The following FANCM variants were observed in gnomAD, a reference collection of about 807,000 sequenced individuals.
The protein encoded by FANCM is FA complementation group M.
FANCM carries 140 observed loss-of-function variants against 199.5 expected under a neutral mutation model. The observed-to-expected ratio is 0.70, with a 90% CI of 0.61 to 0.81. FANCM has a LOEUF of 0.81. FANCM is among the 30% of genes least tolerant of loss of function. FANCM has a pLI of 0.00. For synonymous variants in FANCM, 840 were observed against 836.8 expected (o/e 1.00, Z -0.07); for missense variants, 2,410 against 2,421.4 (o/e 1.00, Z 0.10).
At chr14:45,180,601 C>G (rs1405522652) in intron 14 of FANCM, among the ~76,000 whole-genome samples, 1 of 152,064 alleles carries the variant, frequency 6.6e-6, no homozygotes, top group African/African-American at 2.4e-5. Flanking sequence ...CCACACCCAG[C>G]TAATTATTGT....
intron 3 of FANCM, among the ~76,000 whole-genome samples, chr14:45,145,984 G>C (rs983606625): frequency 1.5e-4 from 22 of 147,556 alleles, no homozygotes; most frequent in African/African-American, 4.3e-4. Context: ...GCGTGAACCC[G>C]GGAGGCGGAG....
chr14:45,151,300 T>G (rs1240960010), intron 4 of FANCM, 97 bp from the exon 5 acceptor site: 1 of 998,262 alleles, frequency 1.0e-6, no homozygotes, highest in Non-Finnish European at 1.5e-6. Context: ...ACAAACTTTA[T>G]TAAATATATA....
chr14:45,161,769 C>T (rs1033795129), intron 9 of FANCM, among the ~76,000 whole-genome samples: 8 of 151,698 alleles, frequency 5.3e-5, no homozygotes, highest in African/African-American at 1.7e-4. Context: ...ACAGTGAGAC[C>T]CTGTCTCAAA....
chr14:45,183,992 C>A (rs970082374), intron 17 of FANCM, 90 bp downstream of exon 17: 11 of 915,842 alleles, frequency 1.2e-5, no homozygotes, highest in Non-Finnish European at 1.5e-5. Flanking sequence ...TCTATACATT[C>A]TCTTTATAGA....
At chr14:45,174,393 A>AC (rs1159283821) in intron 13 of FANCM, among the ~76,000 whole-genome samples, 1 of 152,034 alleles carries the variant, frequency 6.6e-6, no homozygotes, top group African/African-American at 2.4e-5. Context: ...TCTAAAAAAA[A>AC]AAAAAACAAA....
intron 3 of FANCM, among the ~76,000 whole-genome samples, chr14:45,141,845 TC>T (rs1418310550): frequency 6.6e-6 from 1 of 152,004 alleles, no homozygotes; most frequent in Admixed American, 6.6e-5. Context: ...GGCCTCAGCC[TC>T]CCAAAGTGCT....
rs778201887 is a variant in FANCM, at chr14:45,196,339, C to T, written c.5508C>T (p.Ser1836=). 1.9e-6 allele frequency: 3 copies of T among 1,613,946 alleles called. No individual in the cohort carries two copies. Among genetic ancestry groups the T allele is most frequent in the Non-Finnish European group, 2.5e-6 (3 of 1,179,962 alleles). ...CTTCTGGATTAGAAGTAATTTCTTCCCTAAGAGCAATTCATGGGTTGCAAG... is the reference window on the plus strand; with the variant it reads ...CTTCTGGATTAGAAGTAATTTCTTCTCTAAGAGCAATTCATGGGTTGCAAG... The part of the protein sequence containing the change: ...EITSGLEVIS[S]LRAIHGLQVE... The change falls in exon 21 of 23, where the codon TCC becomes TCT. Residue 1836 remains serine, a synonymous_variant. Transcript: ENST00000267430.
intron 3 of FANCM, among the ~76,000 whole-genome samples, chr14:45,147,600 CT>C (rs1344147385): frequency 6.6e-6 from 1 of 152,080 alleles, no homozygotes; most frequent in Non-Finnish European, 1.5e-5. Flanking sequence ...ACCCACAAGG[CT>C]TTCTATTTTT....
At position 45,137,155 on chromosome 14, in the gene FANCM, T is replaced by C. The variant is rs1192164106; in HGVS notation, c.595T>C (p.Ser199Pro). 3.7e-6 allele frequency: 6 copies of C among 1,613,468 alleles called. No homozygotes were observed. Among genetic ancestry groups the C allele is most frequent in the Non-Finnish European group, 5.1e-6 (6 of 1,179,600 alleles). Residue 199 changes from serine to proline, a missense_variant, in exon 2 of 23, where the codon TCT becomes CCT. Transcript: ENST00000267430. ...ACCTCAGGTCATGGTAAATGACCTTTCTAGAGGAGCTTGTCCCGCTGCTGA... is the reference window on the plus strand; with the variant it reads ...ACCTCAGGTCATGGTAAATGACCTTCCTAGAGGAGCTTGTCCCGCTGCTGA... ...LTPQVMVNDL[S>P]RGACPAAEIK... is the part of the protein sequence containing the mutation.
chr14:45,191,544 T>C (rs766504230), intron 20 of FANCM, among the ~76,000 whole-genome samples: 5 of 152,172 alleles, frequency 3.3e-5, no homozygotes, highest in Admixed American at 3.3e-4. Context: ...CACTAACACT[T>C]TAAGCAATAT....
intron 16 of FANCM, 149 bp downstream of exon 16, chr14:45,181,854 TGTTA>T: frequency 1.6e-6 from 1 of 634,682 alleles, no homozygotes; most frequent in Middle Eastern, 4.2e-4. Context: ...TTCTAGCTTC[TGTTA>T]GTTTTCAAAG....
chr14:45,137,286 T>TA (rs770968148), intron 2 of FANCM, 45 bp downstream of exon 2: 1 of 1,551,454 alleles, frequency 6.4e-7, no homozygotes, highest in South Asian at 1.1e-5. Context: ...ACTGTACTGT[T>TA]AAAGAGAATT....
At chr14:45,141,092 T>G (rs997581883) in intron 3 of FANCM, among the ~76,000 whole-genome samples, 2 of 151,886 alleles carry the variant, frequency 1.3e-5, no homozygotes, top group African/African-American at 4.8e-5. Flanking sequence ...ATCCAGACCA[T>G]CCTGGTTAAC....
Position 45,159,315 on chromosome 14 carries a change from A to G in FANCM, c.1581+35A>G, listed in dbSNP as rs570011470. ...TTTGGAATTGATAAAAATAAAAATA[A>G]GATTGATTAGCTTTGCACTTGTTCT... On this transcript the variant is annotated intron_variant, in intron 9 of 22. Coordinates refer to ENST00000267430, the MANE Select transcript of FANCM (RefSeq NM_020937.4). 24 of 1,488,586 alleles carry G rather than the reference A, an allele frequency of 1.6e-5. No individual in the cohort carries two copies. In the South Asian group the frequency reaches 2.2e-4, roughly 14 times the overall value. 92.2% of individuals were successfully genotyped at this position (1,488,586 alleles called of 1,614,324 possible).
intron 2 of FANCM, chr14:45,137,971 G>GA (rs1451413245): frequency 6.6e-6 from 1 of 152,210 alleles, no homozygotes; most frequent in African/African-American, 2.4e-5. Context: ...ATGAGGGGTA[G>GA]AAGGGATGTA....
At chr14:45,157,764 C>A (rs141594861) in intron 8 of FANCM, among the ~76,000 whole-genome samples, 1 of 152,252 alleles carries the variant, frequency 6.6e-6, no homozygotes, top group African/African-American at 2.4e-5. Flanking sequence ...TCAAGTCCTA[C>A]GTTTTGTTTT....
chr14:45,157,232 T>C (rs1887263330), intron 8 of FANCM, among the ~76,000 whole-genome samples: 1 of 152,182 alleles, frequency 6.6e-6, no homozygotes, highest in Non-Finnish European at 1.5e-5. Context: ...GATAACCAAA[T>C]CTGGATCTCA....
At chr14:45,165,273 T>A (rs1887887257) in intron 10 of FANCM, among the ~76,000 whole-genome samples, 1 of 152,166 alleles carries the variant, frequency 6.6e-6, no homozygotes, top group Non-Finnish European at 1.5e-5. Context: ...AAAACTGATT[T>A]TAGGCTGGAC....
intron 6 of FANCM, 39 bp downstream of exon 6, chr14:45,154,091 T>TC: frequency 6.9e-7 from 1 of 1,449,058 alleles, no homozygotes; most frequent in Non-Finnish European, 9.7e-7. Context: ...TAATGACATG[T>TC]ATTATTTTGG....
Sources: gnomAD v4.1 joint callset for allele counts (sites outside exome capture counted in the v4.1 genomes callset) on GRCh38, gnomAD v4.1.1 for gene constraint, MANE v1.5 for transcripts, NCBI Gene and HGNC (gene_info 2026-07-23, HGNC 2026-07-21) for gene names.